The following EPB41L2 variants were observed in gnomAD, a reference collection of about 807,000 sequenced individuals.
The protein encoded by EPB41L2 is erythrocyte membrane protein band 4.1 like 2.
In EPB41L2, 43 loss-of-function variants were observed where a neutral mutation model predicts 113.0. That is an observed-to-expected ratio of 0.38 (90% confidence interval 0.30 to 0.49). EPB41L2 has a LOEUF of 0.49. EPB41L2 is among the 20% of genes least tolerant of loss of function. The pLI is 0.95. For missense variants in EPB41L2, 1,147 were observed against 1,223.4 expected, an observed-to-expected ratio of 0.94 and a Z score of 0.93; for synonymous variants, 442 against 436.7, an observed-to-expected ratio of 1.01 and a Z score of -0.15.
intron 12 of EPB41L2, chr6:130,880,435 T>G (rs1307747893): frequency 1.6e-6 from 1 of 640,332 alleles, no homozygotes; most frequent in Admixed American, 2.6e-5. Context: ...ATGTTTAACT[T>G]TAGGGAAAAC....
rs1285393819 is a variant in EPB41L2, at chr6:130,863,706, C to T, written c.2842G>A (p.Gly948Arg). 3.7e-5 allele frequency: 59 copies of T among 1,612,700 alleles called. No homozygotes were observed. The highest frequency in any genetic ancestry group is 5.0e-5 in the Non-Finnish European group (59 of 1,178,946). ...TTCTCAATTCTTGTTTCAGAAATTC[C>T]ACCTTTTACAGTCTAAAGGTCATAA... is the stretch of plus-strand genomic sequence containing the variant. ...TTHITKTVKG[G>R]ISETRIEKRI... The change falls in exon 18 of 20, where the codon GGA becomes AGA. Residue 948 changes from glycine to arginine, a missense_variant. By Grantham distance (125) the Gly-to-Arg change is moderately radical (BLOSUM62 -2). Coordinates refer to ENST00000337057, the MANE Select transcript of EPB41L2 (RefSeq NM_001431.4).
intron 1 of EPB41L2, among the ~76,000 whole-genome samples, chr6:130,972,956 A>C (rs999681560): frequency 6.7e-6 from 1 of 148,868 alleles, no homozygotes; most frequent in Non-Finnish European, 1.5e-5. Flanking sequence ...AAAAAAAAAA[A>C]AAAAAAACAG....
At chr6:130,887,770 T>C (rs1225528896) in intron 11 of EPB41L2, among the ~76,000 whole-genome samples, 1 of 152,256 alleles carries the variant, frequency 6.6e-6, no homozygotes, top group Non-Finnish European at 1.5e-5. Flanking sequence ...CCTTCCCTGA[T>C]GATCCTATTT....
chr6:130,864,956 C>G (rs1310167300), intron 17 of EPB41L2, among the ~76,000 whole-genome samples: 2 of 152,146 alleles, frequency 1.3e-5, no homozygotes, highest in African/African-American at 2.4e-5. Context: ...CTTCTTAAGA[C>G]AATTCTAAGG....
intron 1 of EPB41L2, among the ~76,000 whole-genome samples, chr6:130,990,710 G>C (rs1177335481): frequency 2.0e-5 from 3 of 152,144 alleles, no homozygotes; most frequent in Admixed American, 2.0e-4. Flanking sequence ...AGGATAGTCT[G>C]TAAAAGTCTA....
chr6:130,875,797 A>G (rs914929800), intron 14 of EPB41L2, among the ~76,000 whole-genome samples: 3 of 152,008 alleles, frequency 2.0e-5, no homozygotes, highest in Admixed American at 2.0e-4. Context: ...AGGAGTCAAG[A>G]CCAGTCTGGT....
intron 4 of EPB41L2, among the ~76,000 whole-genome samples, chr6:130,923,077 C>T (rs932073137): frequency 6.6e-6 from 1 of 152,182 alleles, no homozygotes; most frequent in African/African-American, 2.4e-5. Context: ...TACTGAACAA[C>T]TCCAACCATC....
chr6:130,998,344 A>G (rs780625347), intron 1 of EPB41L2, among the ~76,000 whole-genome samples: 15 of 152,206 alleles, frequency 9.9e-5, no homozygotes, highest in Non-Finnish European at 2.2e-4. Context: ...ACACCATACA[A>G]AAATGGAGCT....
intron 3 of EPB41L2, among the ~76,000 whole-genome samples, chr6:130,928,504 T>G (rs891908074): frequency 1.3e-5 from 2 of 152,256 alleles, no homozygotes; most frequent in Admixed American, 1.3e-4. Flanking sequence ...TTAAGACAAC[T>G]GATGTCTACA....
At chr6:131,057,719 T>G (rs1274050953) in intron 1 of EPB41L2, among the ~76,000 whole-genome samples, 1 of 152,082 alleles carries the variant, frequency 6.6e-6, no homozygotes, top group Non-Finnish European at 1.5e-5. Flanking sequence ...GTAACATAAG[T>G]TTTTAAGTAT....
At chr6:130,984,288 G>A (rs752146220) in intron 1 of EPB41L2, among the ~76,000 whole-genome samples, 1 of 152,146 alleles carries the variant, frequency 6.6e-6, no homozygotes, top group Non-Finnish European at 1.5e-5. Context: ...AGTAGAAGAA[G>A]TATACCCTAA....
Position 131,055,843 on chromosome 6 carries a change from A to G in EPB41L2, c.-15+7312T>C, listed in dbSNP as rs114709249. On this transcript the variant is annotated intron_variant, in intron 1 of 19. Transcript: ENST00000337057. ...GTGTAGTCTGTGCTGCAAAACCATTAGCTTCCTTATTTTTTTTTTACATGG... is the reference window on the plus strand; with the variant it reads ...GTGTAGTCTGTGCTGCAAAACCATTGGCTTCCTTATTTTTTTTTTACATGG... Among the ~76,000 whole-genome samples, 549 of 152,208 alleles carry G rather than the reference A, an allele frequency of 3.6e-3. 2 individuals are homozygous for G. Among genetic ancestry groups the G allele is most frequent in the African/African-American group, 0.013 (533 of 41,478 alleles).
At chr6:130,865,405 C>T in intron 17 of EPB41L2, 131 bp downstream of exon 17, 1 of 876,656 alleles carries the variant, frequency 1.1e-6, no homozygotes, top group Non-Finnish European at 1.7e-6. Flanking sequence ...TACTTTAAAC[C>T]AAGGCATTTT....
chr6:130,844,969 G>A lies in EPB41L2; in HGVS notation c.*6-4371C>T, dbSNP rs1001701082. Reference sequence around the variant, plus strand: ...AGGCAGGAGAATCGCTTGAACCCACGAGGCAGAAGTTGCAGTGAGCTGAGA... The same window carrying A: ...AGGCAGGAGAATCGCTTGAACCCACAAGGCAGAAGTTGCAGTGAGCTGAGA... On this transcript the variant is annotated intron_variant, in intron 19 of 19. Coordinates refer to ENST00000337057, the MANE Select transcript of EPB41L2 (RefSeq NM_001431.4). 7.2e-5 allele frequency among the ~76,000 whole-genome samples: 11 copies of A among 152,240 alleles called. 1 individual carries two copies. In the South Asian group the frequency reaches 1.2e-3, roughly 17 times the overall value.
At chr6:130,889,078 C>T (rs17770255) in intron 11 of EPB41L2, among the ~76,000 whole-genome samples, 39,417 of 151,764 alleles carry the variant, frequency 0.26, 6,410 homozygotes, top group Non-Finnish European at 0.36. Flanking sequence ...ATAAGTTGTT[C>T]GAGCATATAT....
At chr6:130,898,286 T>C (rs1174489916) in intron 8 of EPB41L2, among the ~76,000 whole-genome samples, 1 of 152,120 alleles carries the variant, frequency 6.6e-6, no homozygotes, top group African/African-American at 2.4e-5. Context: ...TTTGTAAATA[T>C]GAAGTATGAT....
At chr6:130,994,844 T>TC (rs765205622) in intron 1 of EPB41L2, among the ~76,000 whole-genome samples, 31 of 152,136 alleles carry the variant, frequency 2.0e-4, no homozygotes, top group Non-Finnish European at 4.6e-4. Context: ...TAAAAGCGTA[T>TC]CCGATTGCCT....
intron 2 of EPB41L2, among the ~76,000 whole-genome samples, chr6:130,955,761 A>G (rs918680338): frequency 6.6e-6 from 1 of 152,160 alleles, no homozygotes; most frequent in Non-Finnish European, 1.5e-5. Context: ...TACCTCACCT[A>G]AACAGGTTAC....
chr6:130,884,060 C>A (rs1305737662), intron 12 of EPB41L2, among the ~76,000 whole-genome samples: 1 of 152,166 alleles, frequency 6.6e-6, no homozygotes, highest in Non-Finnish European at 1.5e-5. Context: ...TACGGCCGGG[C>A]TCAGTGGCTC....
Sources: gnomAD v4.1 joint callset for allele counts (sites outside exome capture counted in the v4.1 genomes callset) on GRCh38, gnomAD v4.1.1 for gene constraint, MANE v1.5 for transcripts, NCBI Gene and HGNC (gene_info 2026-07-23, HGNC 2026-07-21) for gene names.